The following CEMIP variants were observed in gnomAD, a reference collection of about 807,000 sequenced individuals.
The protein encoded by CEMIP is cell migration-inducing and hyaluronan-binding protein.
In CEMIP, 105 loss-of-function variants were observed where a neutral mutation model predicts 156.9. The observed-to-expected ratio is 0.67, with a 90% CI of 0.57 to 0.79. The LOEUF (loss-of-function observed/expected upper bound fraction) is 0.79. Among genes scored for constraint, CEMIP ranks in the 30% least tolerant of loss-of-function variants. The pLI is 0.00. For missense variants in CEMIP, 1,457 were observed against 1,769.4 expected, an observed-to-expected ratio of 0.82 and a Z score of 3.17; for synonymous variants, 676 against 668.4, an observed-to-expected ratio of 1.01 and a Z score of -0.17.
intron 1 of CEMIP, among the ~76,000 whole-genome samples, chr15:80,868,400 C>T (rs1191299639): frequency 6.6e-6 from 1 of 152,130 alleles, no homozygotes; most frequent in Non-Finnish European, 1.5e-5. Context: ...TGGAGCCAGA[C>T]CACCTGGGTT....
intron 12 of CEMIP, among the ~76,000 whole-genome samples, chr15:80,900,585 G>GGTGTGTGTGTGTGTGTGTGTGTGTGT (rs57724852): frequency 1.7e-4 from 13 of 74,962 alleles, no homozygotes; most frequent in East Asian, 5.4e-4. Context: ...CCCAGGTAGG[G>GGTGTGTGTGTGTGTGTGTGTGTGTGT]GTGTGTGTGT....
chr15:80,892,179 C>T (rs934997944), intron 10 of CEMIP, among the ~76,000 whole-genome samples: 8 of 152,072 alleles, frequency 5.3e-5, no homozygotes, highest in African/African-American at 1.7e-4. Flanking sequence ...CAGTGGGTCC[C>T]GGCATACCTG....
chr15:80,801,197 A>T (rs1896367171), intron 1 of CEMIP, among the ~76,000 whole-genome samples: 1 of 152,128 alleles, frequency 6.6e-6, no homozygotes, highest in African/African-American at 2.4e-5. Flanking sequence ...AACCACCCCC[A>T]AGGCAGTGGC....
intron 1 of CEMIP, among the ~76,000 whole-genome samples, chr15:80,785,644 G>A (rs147053682): frequency 6.6e-6 from 1 of 152,306 alleles, no homozygotes; most frequent in African/African-American, 2.4e-5. Context: ...AAGAGGAGTG[G>A]AGGGCGTGAG....
chr15:80,791,429 C>A (rs16972347), intron 1 of CEMIP, among the ~76,000 whole-genome samples: 7,028 of 152,270 alleles, frequency 0.046, 545 homozygotes, highest in African/African-American at 0.16. Context: ...AGAAGGATAA[C>A]TGCGCTGTCC....
intron 1 of CEMIP, among the ~76,000 whole-genome samples, chr15:80,801,814 TG>T (rs774271670): frequency 0.016 from 2,460 of 152,342 alleles, 67 homozygotes; most frequent in African/African-American, 0.054. Flanking sequence ...GAAATATGTT[TG>T]CATCTGCACT....
chr15:80,929,985 G>A (rs1039331596), intron 21 of CEMIP, among the ~76,000 whole-genome samples: 2 of 152,200 alleles, frequency 1.3e-5, no homozygotes, highest in East Asian at 3.9e-4. Context: ...CCTTTCTTCT[G>A]CTGGTGTTTC....
At chr15:80,921,255 A>C (rs184976495) in intron 16 of CEMIP, among the ~76,000 whole-genome samples, 154 bp downstream of exon 16, 111 of 151,908 alleles carry the variant, frequency 7.3e-4, no homozygotes, top group African/African-American at 2.4e-3. Flanking sequence ...AAAACGACAG[A>C]CTGGGGGTGG....
chr15:80,832,052 C>T (rs529177747), intron 1 of CEMIP, among the ~76,000 whole-genome samples: 2 of 152,284 alleles, frequency 1.3e-5, no homozygotes, highest in African/African-American at 2.4e-5. Context: ...CTGTTCTGGT[C>T]ATAAAAGACA....
intron 1 of CEMIP, among the ~76,000 whole-genome samples, chr15:80,844,145 C>T (rs980151314): frequency 4.6e-5 from 7 of 152,242 alleles, no homozygotes; most frequent in African/African-American, 1.7e-4. Context: ...TCCACACAGC[C>T]CCGGGCCAAC....
At chr15:80,819,407 G>A (rs1317846301) in intron 1 of CEMIP, among the ~76,000 whole-genome samples, 4 of 152,160 alleles carry the variant, frequency 2.6e-5, no homozygotes, top group Non-Finnish European at 4.4e-5. Context: ...TGTCTTGCTG[G>A]GTTCGGCTTG....
intron 1 of CEMIP, among the ~76,000 whole-genome samples, chr15:80,816,866 G>A (rs1392063973): frequency 6.6e-6 from 1 of 152,092 alleles, no homozygotes; most frequent in African/African-American, 2.4e-5. Flanking sequence ...ACAGTGCACC[G>A]TTACTCTAGG....
At chr15:80,933,525 T>C in intron 23 of CEMIP, 65 bp downstream of exon 23, 1 of 1,271,364 alleles carries the variant, frequency 7.9e-7, no homozygotes, top group Non-Finnish European at 1.1e-6. Flanking sequence ...ATTCAGTGAG[T>C]GTCTACTCTA....
chr15:80,786,691 G>T (rs74030608), intron 1 of CEMIP, among the ~76,000 whole-genome samples: 7,429 of 152,026 alleles, frequency 0.049, 377 homozygotes, highest in African/African-American at 0.12. Flanking sequence ...CAAAGATGGG[G>T]TACATGGAGG....
intron 1 of CEMIP, among the ~76,000 whole-genome samples, chr15:80,852,777 A>G (rs1312548341): frequency 6.6e-6 from 1 of 152,170 alleles, no homozygotes; most frequent in African/African-American, 2.4e-5. Context: ...GTCCTGAAGG[A>G]GGAGGAAGAT....
Position 80,852,649 on chromosome 15 carries a change from A to C in CEMIP, c.-175-20889A>C, listed in dbSNP as rs191003884. ...TTTCTTCCCATTCAAAGAAGGGTTT[A>C]TGCCTCTGCTTTCATGTCCCAACAT... On this transcript the variant is annotated intron_variant, in intron 1 of 29. Coordinates refer to ENST00000394685, the MANE Select transcript of CEMIP (RefSeq NM_001293298.2). Among the ~76,000 whole-genome samples the C allele has an allele frequency of 2.2e-3, 332 of 152,174 alleles. 1 individual carries two copies. The highest frequency in any genetic ancestry group is 7.5e-3 in the African/African-American group (312 of 41,494).
intron 1 of CEMIP, among the ~76,000 whole-genome samples, chr15:80,845,672 G>T (rs1897536265): frequency 6.6e-6 from 1 of 152,166 alleles, no homozygotes; most frequent in South Asian, 2.1e-4. Context: ...TGGTGTGGTG[G>T]GATCTGGGAC....
chr15:80,921,514 G>A (rs1299440625), intron 16 of CEMIP, among the ~76,000 whole-genome samples: 1 of 152,216 alleles, frequency 6.6e-6, no homozygotes, highest in Admixed American at 6.5e-5. Flanking sequence ...AAGGTTAGGA[G>A]AGCTGACATG....
At chr15:80,875,956 C>T (rs191291372) in intron 3 of CEMIP, among the ~76,000 whole-genome samples, 3 of 152,336 alleles carry the variant, frequency 2.0e-5, no homozygotes, top group East Asian at 3.9e-4. Flanking sequence ...TCACACAGGT[C>T]AGACTGACCA....
Sources: gnomAD v4.1 joint callset for allele counts (sites outside exome capture counted in the v4.1 genomes callset) on GRCh38, gnomAD v4.1.1 for gene constraint, MANE v1.5 for transcripts, NCBI Gene and HGNC (gene_info 2026-07-23, HGNC 2026-07-21) for gene names.